The following CMSS1 variants were observed in gnomAD, a reference collection of about 807,000 sequenced individuals.
CMSS1 encodes cms1 ribosomal small subunit homolog.
CMSS1 carries 33 observed loss-of-function variants against 43.5 expected under a neutral mutation model. The observed-to-expected ratio is 0.76, with a 90% CI of 0.57 to 1.01. The LOEUF is 1.01. Among genes scored for constraint, CMSS1 ranks in the 50% least tolerant of loss-of-function variants. The pLI, the probability that CMSS1 is intolerant of heterozygous loss-of-function variation, is 0.00. For missense variants in CMSS1, 313 were observed against 326.4 expected (o/e 0.96, Z 0.32); for synonymous variants, 115 against 117.2 (o/e 0.98, Z 0.12).
intron 1 of CMSS1, among the ~76,000 whole-genome samples, chr3:100,139,563 GTGTATGTATATATA>G (rs2066786097): frequency 2.2e-5 from 3 of 133,410 alleles, no homozygotes; most frequent in African/African-American, 5.5e-5. Context: ...GTGTGTGTGT[GTGTATGTATATATA>G]TGTGTATATA....
At chr3:99,839,978 G>A (rs557717818) in intron 1 of CMSS1, among the ~76,000 whole-genome samples, 19 of 152,212 alleles carry the variant, frequency 1.2e-4, no homozygotes, top group African/African-American at 3.6e-4. Flanking sequence ...ACCAGAGGGC[G>A]ATTTTGCCCT....
rs374749435 is a variant in CMSS1 at position 100,138,701 on chromosome 3, A to G, written c.65-8272A>G. ...AAGTCAAGAAACAATAGATGCTGGCAAGGCTGTGGAGAAATAAAAACACTT... is the reference window on the plus strand; with the variant it reads ...AAGTCAAGAAACAATAGATGCTGGCGAGGCTGTGGAGAAATAAAAACACTT... On this transcript the variant is annotated intron_variant, in intron 1 of 9. Coordinates refer to ENST00000421999, the MANE Select transcript of CMSS1 (RefSeq NM_032359.4). Among the ~76,000 whole-genome samples, 511 of 150,708 alleles carry G rather than the reference A, an allele frequency of 3.4e-3. 2 individuals are homozygous for G. The highest frequency in any genetic ancestry group is 6.1e-3 in the Non-Finnish European group (409 of 67,446).
intron 1 of CMSS1, among the ~76,000 whole-genome samples, chr3:99,958,299 A>G (rs1448559295): frequency 6.6e-6 from 1 of 150,894 alleles, no homozygotes; most frequent in Non-Finnish European, 1.5e-5. Flanking sequence ...ACAGTAACAG[A>G]AAGGGAAAAT....
intron 1 of CMSS1, among the ~76,000 whole-genome samples, chr3:99,983,546 CA>C (rs932297753): frequency 2.9e-5 from 4 of 136,278 alleles, no homozygotes; most frequent in African/African-American, 1.1e-4. Flanking sequence ...AAAAATTAGC[CA>C]GGTGTGGTGG....
chr3:99,851,962 C>T (rs1284499620), intron 1 of CMSS1, among the ~76,000 whole-genome samples: 1 of 152,152 alleles, frequency 6.6e-6, no homozygotes, highest in Non-Finnish European at 1.5e-5. Flanking sequence ...TGATGAGAGT[C>T]TGATGCTAGA....
intron 1 of CMSS1, among the ~76,000 whole-genome samples, chr3:100,135,884 A>G (rs919260912): frequency 2.0e-5 from 3 of 152,114 alleles, no homozygotes; most frequent in African/African-American, 7.2e-5. Flanking sequence ...ACTCCAGCTC[A>G]GTGTTTTACC....
At chr3:100,026,678 G>A (rs1458016458) in intron 1 of CMSS1, among the ~76,000 whole-genome samples, 1 of 151,984 alleles carries the variant, frequency 6.6e-6, no homozygotes, top group East Asian at 1.9e-4. Flanking sequence ...AATCCTGTTG[G>A]CTCTATCCTC....
chr3:100,021,954 TGTGTGTGAGAGAGA>T (rs1264742083), intron 1 of CMSS1, among the ~76,000 whole-genome samples: 68 of 114,408 alleles, frequency 5.9e-4, no homozygotes, highest in African/African-American at 1.8e-3. Context: ...TGTGTGTGTG[TGTGTGTGAGAGAGA>T]GAGAGAGAGA....
At chr3:99,969,957 A>G (rs1708766231) in intron 1 of CMSS1, among the ~76,000 whole-genome samples, 2 of 152,246 alleles carry the variant, frequency 1.3e-5, no homozygotes, top group South Asian at 4.1e-4. Flanking sequence ...ATGAAATTCA[A>G]CAAATGAGGC....
At chr3:99,957,510 A>G (rs1363191731) in intron 1 of CMSS1, among the ~76,000 whole-genome samples, 4 of 152,082 alleles carry the variant, frequency 2.6e-5, no homozygotes, top group Non-Finnish European at 5.9e-5. Flanking sequence ...GTGTGGTAAT[A>G]TCATCAGACA....
chr3:100,151,217 A>C (rs2066905382), intron 2 of CMSS1, among the ~76,000 whole-genome samples: 1 of 152,136 alleles, frequency 6.6e-6, no homozygotes, highest in African/African-American at 2.4e-5. Flanking sequence ...CCTTTTCATT[A>C]TGGTTTCTCA....
chr3:99,850,957 A>C (rs1943663831), intron 1 of CMSS1: 1 of 1,614,116 alleles, frequency 6.2e-7, no homozygotes, highest in South Asian at 1.1e-5. Flanking sequence ...CACCACCATC[A>C]AAGCAAAAGA....
At chr3:99,819,094 A>G (rs535374789) in intron 1 of CMSS1, among the ~76,000 whole-genome samples, 174 of 152,390 alleles carry the variant, frequency 1.1e-3, no homozygotes, top group South Asian at 1.2e-3. Context: ...GTTGTGAAAT[A>G]TCCATTAAAA....
chr3:99,956,078 A>G (rs1708311570), intron 1 of CMSS1, among the ~76,000 whole-genome samples: 1 of 152,130 alleles, frequency 6.6e-6, no homozygotes, highest in Non-Finnish European at 1.5e-5. Flanking sequence ...TCCAGCTTCA[A>G]ATGGGTCCTG....
At chr3:100,054,279 A>T (rs1395966280) in intron 1 of CMSS1, among the ~76,000 whole-genome samples, 1 of 152,116 alleles carries the variant, frequency 6.6e-6, no homozygotes, top group Non-Finnish European at 1.5e-5. Flanking sequence ...TGGTTTTTTG[A>T]AAGAACATGA....
At chr3:100,136,675 A>AG (rs1480904025) in intron 1 of CMSS1, among the ~76,000 whole-genome samples, 9 of 152,202 alleles carry the variant, frequency 5.9e-5, no homozygotes, top group African/African-American at 2.2e-4. Flanking sequence ...GCTGAGGTTT[A>AG]GAGGGTAGGG....
At chr3:99,840,221 C>CTTTTTTTTTTTTTTTTTTTTTTTTT (rs10935982) in intron 1 of CMSS1, among the ~76,000 whole-genome samples, 1 of 102,144 alleles carries the variant, frequency 9.8e-6, no homozygotes, top group Non-Finnish European at 1.9e-5. Flanking sequence ...TTCGTAGAAT[C>CTTTTTTTTTTTTTTTTTTTTTTTTT]TTTTTTTTTT....
chr3:100,012,779 T>TTTTTTTTG (rs1710197030), intron 1 of CMSS1, among the ~76,000 whole-genome samples: 1 of 134,766 alleles, frequency 7.4e-6, no homozygotes, highest in African/African-American at 2.7e-5. Flanking sequence ...TTTTTTTTTT[T>TTTTTTTTG]GGGTTGGGGG....
chr3:99,959,924 A>G (rs1218157458), intron 1 of CMSS1, among the ~76,000 whole-genome samples: 1 of 152,174 alleles, frequency 6.6e-6, no homozygotes, highest in South Asian at 2.1e-4. Flanking sequence ...TACAAAGGAG[A>G]TGCATTCAAT....
Sources: gnomAD v4.1 joint callset for allele counts (sites outside exome capture counted in the v4.1 genomes callset) on GRCh38, gnomAD v4.1.1 for gene constraint, MANE v1.5 for transcripts, NCBI Gene and HGNC (gene_info 2026-07-23, HGNC 2026-07-21) for gene names.